Variants in PCDH7 observed in about 807,000 individuals in gnomAD.
The protein encoded by PCDH7 is protocadherin 7, also known as protocadherin-7.
In PCDH7, 17 loss-of-function variants were observed where a neutral mutation model predicts 58.9. That is an observed-to-expected ratio of 0.29 (90% confidence interval 0.20 to 0.43). The LOEUF is 0.43. Among genes scored for constraint, PCDH7 ranks in the 20% least tolerant of loss-of-function variants. The probability of loss-of-function intolerance (pLI) is 1.00; values close to 1 mark genes in which losing one functional copy is unlikely to be tolerated. For synonymous variants in PCDH7, 664 were observed against 616.4 expected (o/e 1.08, Z -1.14); for missense variants, 1,274 against 1,441.0 (o/e 0.88, Z 1.88).
At chr4:31,071,453 T>A (rs1758535819) in intron 3 of PCDH7, among the ~76,000 whole-genome samples, 1 of 152,054 alleles carries the variant, frequency 6.6e-6, no homozygotes, top group Admixed American at 6.6e-5. Flanking sequence ...GGGCAGCCTT[T>A]CATAAACTGA....
chr4:30,927,470 AAAG>A (rs1232815607), intron 2 of PCDH7, among the ~76,000 whole-genome samples: 4 of 151,762 alleles, frequency 2.6e-5, no homozygotes, highest in African/African-American at 9.7e-5. Flanking sequence ...GTCTGTGTAG[AAAG>A]AAGTAGACAT....
rs1450138584 is a variant in PCDH7 at position 30,923,836 on chromosome 4, GTTAT to G, written c.287+3470_287+3473del. 7.2e-5 allele frequency among the ~76,000 whole-genome samples: 11 copies of G among 152,046 alleles called. No individual in the cohort carries two copies. The South Asian group carries it at 1.2e-3, about 17-fold the overall frequency. ...ATCTAATCAAAGATTGAGGAAATTG[GTTAT>G]TTGTTTCATTAAAATACATTTAGCA... On this transcript the variant is annotated intron_variant, in intron 2 of 3. Transcript: ENST00000509759.
chr4:30,780,477 A>G (rs1360234339), intron 1 of PCDH7, among the ~76,000 whole-genome samples: 1 of 151,810 alleles, frequency 6.6e-6, no homozygotes, highest in Non-Finnish European at 1.5e-5. Flanking sequence ...ACTGCACTCC[A>G]GCTTGGGTGA....
chr4:31,110,914 A>T (rs555086832), intron 3 of PCDH7, among the ~76,000 whole-genome samples: 18 of 134,826 alleles, frequency 1.3e-4, no homozygotes, highest in African/African-American at 4.5e-4. Flanking sequence ...GACTATGTCT[A>T]AAAAAAAAAA....
chr4:30,828,947 G>A (rs1729443259), intron 1 of PCDH7, among the ~76,000 whole-genome samples: 1 of 151,908 alleles, frequency 6.6e-6, no homozygotes, highest in South Asian at 2.1e-4. Flanking sequence ...AGCTTTAATG[G>A]TCTGTAAGCC....
In PCDH7 at chr4:30,874,659, G is replaced by A. The variant is rs576707741; in HGVS notation, c.71-45494G>A. Among the ~76,000 whole-genome samples the A allele has an allele frequency of 1.5e-3, 222 of 150,722 alleles. 1 individual carries two copies. The highest frequency in any genetic ancestry group is 2.6e-3 in the Non-Finnish European group (175 of 67,808). ...TACATATGTAACTAACCTGCACATTGTGCACATGTACCCTAAAACTTAAAG... is the reference window on the plus strand; with the variant it reads ...TACATATGTAACTAACCTGCACATTATGCACATGTACCCTAAAACTTAAAG... On this transcript the variant is annotated intron_variant, in intron 1 of 3. Coordinates refer to the PCDH7 transcript ENST00000509759.
In PCDH7 at chr4:31,106,419, T is replaced by C. The variant is rs376429327; in HGVS notation, c.*8-36054T>C. On this transcript the variant is annotated intron_variant, in intron 3 of 3. Coordinates refer to the PCDH7 transcript ENST00000509759. ...TGTGGTACGCTAGTCACCAGGTAAG[T>C]GCTAACTATAGAATGTAGCTGTTCT... is the stretch of plus-strand genomic sequence containing the variant. Among the ~76,000 whole-genome samples, 7 of 152,224 alleles carry C rather than the reference T, an allele frequency of 4.6e-5. No individual in the cohort carries two copies. In the East Asian group the frequency reaches 1.2e-3, roughly 25 times the overall value.
intron 3 of PCDH7, among the ~76,000 whole-genome samples, chr4:31,049,895 G>A (rs6848848): frequency 0.32 from 49,065 of 151,928 alleles, 8,126 homozygotes; most frequent in Admixed American, 0.38. Context: ...CCCAAGCTTA[G>A]GGATGGGATT....
intron 1 of PCDH7, among the ~76,000 whole-genome samples, chr4:30,767,136 C>T (rs1720859553): frequency 6.6e-6 from 1 of 152,034 alleles, no homozygotes; most frequent in Non-Finnish European, 1.5e-5. Flanking sequence ...CCTGTGGCCA[C>T]TGAAGTCTTA....
chr4:31,140,563 C>A (rs1720122776), intron 3 of PCDH7, among the ~76,000 whole-genome samples: 1 of 146,060 alleles, frequency 6.8e-6, no homozygotes, highest in African/African-American at 2.5e-5. Context: ...TTACACTTTG[C>A]ATTTCTATCC....
chr4:31,028,947 T>C (rs963642882), intron 3 of PCDH7, among the ~76,000 whole-genome samples: 21 of 152,168 alleles, frequency 1.4e-4, no homozygotes, highest in African/African-American at 5.1e-4. Context: ...TTGATATATT[T>C]TGATGATTGA....
At chr4:31,107,505 A>G (rs1178594412) in intron 3 of PCDH7, among the ~76,000 whole-genome samples, 1 of 152,224 alleles carries the variant, frequency 6.6e-6, no homozygotes, top group East Asian at 1.9e-4. Context: ...TGACAGAGGA[A>G]GGAAAATGTT....
intron 1 of PCDH7, among the ~76,000 whole-genome samples, chr4:30,889,137 C>CAAAAAAAAAAAAAAAAAAAA (rs371917620): frequency 1.4e-3 from 71 of 49,942 alleles, no homozygotes; most frequent in Non-Finnish European, 2.0e-3. Flanking sequence ...GCAGATATCT[C>CAAAAAAAAAAAAAAAAAAAA]AAAAAAAAAA....
chr4:31,093,005 C>T (rs531095688), intron 3 of PCDH7, among the ~76,000 whole-genome samples: 54 of 152,142 alleles, frequency 3.5e-4, no homozygotes, highest in Non-Finnish European at 6.0e-4. Context: ...TTTGTCTGAA[C>T]CAGGCTGTCC....
intron 1 of PCDH7, among the ~76,000 whole-genome samples, chr4:30,765,981 C>T (rs1720688754): frequency 6.6e-6 from 1 of 151,958 alleles, no homozygotes; most frequent in Non-Finnish European, 1.5e-5. Flanking sequence ...AGGGAAGAGC[C>T]AAATTCCCTT....
chr4:31,136,854 C>G (rs1205630023), intron 3 of PCDH7, among the ~76,000 whole-genome samples: 1 of 152,150 alleles, frequency 6.6e-6, no homozygotes, highest in Non-Finnish European at 1.5e-5. Context: ...CACCTCCAAT[C>G]TTTATTAACT....
intron 1 of PCDH7, among the ~76,000 whole-genome samples, chr4:30,894,596 C>CATATATAT (rs576995805): frequency 1.6e-5 from 2 of 124,144 alleles, no homozygotes; most frequent in Non-Finnish European, 3.3e-5. Flanking sequence ...CACACACACA[C>CATATATAT]ATATATATAT....
intron 3 of PCDH7, among the ~76,000 whole-genome samples, chr4:31,003,017 C>T (rs906088645): frequency 1.4e-4 from 21 of 152,110 alleles, no homozygotes; most frequent in Admixed American, 3.9e-4. Context: ...TCCTTTGAAA[C>T]GTAATAACTA....
chr4:30,962,776 TAAAAAA>T (rs57257786), intron 3 of PCDH7, among the ~76,000 whole-genome samples: 1 of 70,610 alleles, frequency 1.4e-5, no homozygotes. Flanking sequence ...GACCCAGTCT[TAAAAAA>T]AAAAAAAAAA....
Sources: allele counts gnomAD v4.1 joint callset (sites outside exome capture counted in the v4.1 genomes callset), GRCh38; gene constraint gnomAD v4.1.1; transcripts MANE v1.5; gene names NCBI Gene and HGNC (gene_info 2026-07-23, HGNC 2026-07-21).